The following MAML3 variants were observed in gnomAD, a reference collection of about 807,000 sequenced individuals.
MAML3 encodes the protein mastermind-like protein 3.
In MAML3, 27 loss-of-function variants were observed where a neutral mutation model predicts 101.9. The ratio of observed to expected loss-of-function variants is 0.27; its 90% CI spans 0.20 to 0.37. MAML3 has a LOEUF of 0.37. Ranked by LOEUF, MAML3 falls within the 10% of genes least tolerant of loss-of-function variation. The probability of loss-of-function intolerance (pLI) is 1.00; values close to 1 mark genes in which losing one functional copy is unlikely to be tolerated. For synonymous variants in MAML3, 501 were observed against 555.9 expected (o/e 0.90, Z 1.39); for missense variants, 1,316 against 1,444.9 (o/e 0.91, Z 1.45).
intron 1 of MAML3, among the ~76,000 whole-genome samples, chr4:140,103,115 T>A (rs181761765): frequency 4.9e-4 from 75 of 152,306 alleles, no homozygotes; most frequent in African/African-American, 1.7e-3. Flanking sequence ...CTACTAGAAG[T>A]CATTGGCAGG....
chr4:139,856,629 C>A (rs1423859509), intron 2 of MAML3, among the ~76,000 whole-genome samples: 1 of 152,162 alleles, frequency 6.6e-6, no homozygotes, highest in Non-Finnish European at 1.5e-5. Context: ...TTGTAAAGTG[C>A]TGGAGTCAGA....
intron 1 of MAML3, among the ~76,000 whole-genome samples, chr4:139,926,857 CACT>C (rs916114419): frequency 6.6e-6 from 1 of 152,142 alleles, no homozygotes; most frequent in African/African-American, 2.4e-5. Context: ...TCTTTTCCAC[CACT>C]GTCATTTTCT....
chr4:139,943,686 T>A (rs925469152), intron 1 of MAML3, among the ~76,000 whole-genome samples: 14 of 152,134 alleles, frequency 9.2e-5, no homozygotes, highest in Non-Finnish European at 1.3e-4. Context: ...ATTCAATGCC[T>A]ACACTGAATG....
intron 1 of MAML3, among the ~76,000 whole-genome samples, chr4:140,048,218 A>G (rs2110918583): frequency 6.6e-6 from 1 of 152,268 alleles, no homozygotes; most frequent in East Asian, 1.9e-4. Flanking sequence ...TTCTTGAGGG[A>G]AATGGACAGT....
intron 1 of MAML3, among the ~76,000 whole-genome samples, chr4:139,908,966 A>C (rs1732868201): frequency 6.6e-6 from 1 of 152,248 alleles, no homozygotes; most frequent in Non-Finnish European, 1.5e-5. Flanking sequence ...TGTCACAGAA[A>C]TACATTATGC....
At chr4:140,101,053 G>T (rs1728244741) in intron 1 of MAML3, among the ~76,000 whole-genome samples, 1 of 152,124 alleles carries the variant, frequency 6.6e-6, no homozygotes, top group Non-Finnish European at 1.5e-5. Context: ...TGCCAGGAAG[G>T]TGAGTGAAGC....
intron 1 of MAML3, among the ~76,000 whole-genome samples, chr4:139,913,549 C>T (rs749402563): frequency 3.3e-5 from 5 of 152,040 alleles, no homozygotes; most frequent in Admixed American, 6.6e-5. Context: ...GTGATGAGTG[C>T]GAACAGATGA....
At chr4:140,058,565 TGTATA>T (rs957397863) in intron 1 of MAML3, among the ~76,000 whole-genome samples, 2 of 70,122 alleles carry the variant, frequency 2.9e-5, no homozygotes, top group Admixed American at 1.7e-4. Context: ...ATATAATACA[TGTATA>T]TATATATATA....
intron 1 of MAML3, among the ~76,000 whole-genome samples, chr4:140,016,482 GA>G (rs1188269055): frequency 6.6e-6 from 1 of 151,936 alleles, no homozygotes; most frequent in Non-Finnish European, 1.5e-5. Flanking sequence ...AAGCAATTTT[GA>G]AAAAAAGAAT....
chr4:139,793,420 C>T (rs900152856), intron 2 of MAML3, among the ~76,000 whole-genome samples: 4 of 152,148 alleles, frequency 2.6e-5, no homozygotes, highest in Admixed American at 1.3e-4. Flanking sequence ...CCTAGTTCTC[C>T]AATCACCAAG....
intron 2 of MAML3, among the ~76,000 whole-genome samples, chr4:139,845,528 T>C (rs1429553178): frequency 5.3e-5 from 8 of 152,200 alleles, no homozygotes. Context: ...GCTCATATTC[T>C]TTTCATGATT....
intron 1 of MAML3, among the ~76,000 whole-genome samples, chr4:140,032,874 G>A (rs1030839725): frequency 1.7e-5 from 1 of 58,038 alleles, no homozygotes; most frequent in African/African-American, 6.1e-5. Flanking sequence ...ACCTCTCATT[G>A]TTTGTAAAAA....
chr4:140,067,572 TCA>T (rs1261340169), intron 1 of MAML3, among the ~76,000 whole-genome samples: 2 of 152,310 alleles, frequency 1.3e-5, no homozygotes, highest in African/African-American at 4.8e-5. Context: ...CTGTATTGTC[TCA>T]ATATTTAAAA....
chr4:139,824,510 C>G (rs1307351311), intron 2 of MAML3, among the ~76,000 whole-genome samples: 2 of 152,166 alleles, frequency 1.3e-5, no homozygotes, highest in Non-Finnish European at 2.9e-5. Flanking sequence ...ACAGATGGCT[C>G]TCTTAGGTAT....
At chr4:139,891,770 A>G (rs1291259885) in intron 1 of MAML3, among the ~76,000 whole-genome samples, 1 of 152,242 alleles carries the variant, frequency 6.6e-6, no homozygotes, top group Non-Finnish European at 1.5e-5. Flanking sequence ...TTAATGTTTA[A>G]TGCAATCCCA....
chr4:139,865,313 T>G (rs1204191209), intron 2 of MAML3, among the ~76,000 whole-genome samples: 2 of 152,150 alleles, frequency 1.3e-5, no homozygotes, highest in Non-Finnish European at 2.9e-5. Flanking sequence ...CTTGAATGGT[T>G]CAAGGGTCCA....
intron 1 of MAML3, among the ~76,000 whole-genome samples, chr4:140,034,613 T>G (rs577592433): frequency 2.4e-4 from 36 of 152,284 alleles, no homozygotes; most frequent in South Asian, 6.2e-4. Flanking sequence ...AGCACAGTGG[T>G]TAAGAGCACT....
intron 2 of MAML3, among the ~76,000 whole-genome samples, chr4:139,765,308 G>C (rs1037022076): frequency 6.6e-6 from 1 of 152,208 alleles, no homozygotes; most frequent in Non-Finnish European, 1.5e-5. Context: ...ATTACTTGCT[G>C]TTTTAGGATG....
chr4:139,777,747 C>T (rs1730119143), intron 2 of MAML3, among the ~76,000 whole-genome samples: 1 of 152,226 alleles, frequency 6.6e-6, no homozygotes, highest in Admixed American at 6.5e-5. Context: ...TAACACTATT[C>T]AAAGACTTCC....
Sources: gnomAD v4.1 joint callset for allele counts (sites outside exome capture counted in the v4.1 genomes callset) on GRCh38, gnomAD v4.1.1 for gene constraint, MANE v1.5 for transcripts, NCBI Gene and HGNC (gene_info 2026-07-23, HGNC 2026-07-21) for gene names.